Variants in SLC39A10 observed in about 807,000 individuals in gnomAD.
The protein encoded by SLC39A10 is zinc transporter ZIP10.
In SLC39A10, 13 loss-of-function variants were observed where a neutral mutation model predicts 65.1. The observed-to-expected ratio is 0.20, with a 90% CI of 0.13 to 0.32. The LOEUF is 0.32. Among genes scored for constraint, SLC39A10 ranks in the 10% least tolerant of loss-of-function variants. The pLI, the probability that SLC39A10 is intolerant of heterozygous loss-of-function variation, is 1.00. For missense variants in SLC39A10, 831 were observed against 1,018.4 expected (o/e 0.82, Z 2.50); for synonymous variants, 321 against 342.2 (o/e 0.94, Z 0.68).
chr2:195,704,510 A>G (rs1213262726), intron 3 of SLC39A10, among the ~76,000 whole-genome samples: 1 of 152,146 alleles, frequency 6.6e-6, no homozygotes, highest in Non-Finnish European at 1.5e-5. Flanking sequence ...TTAGCTGGCC[A>G]ATAACTTTAT....
At chr2:195,685,877 T>C (rs1218285345) in intron 3 of SLC39A10, among the ~76,000 whole-genome samples, 2 of 152,244 alleles carry the variant, frequency 1.3e-5, no homozygotes, top group Non-Finnish European at 2.9e-5. Context: ...CTATAAGCGT[T>C]CAGTTATAAT....
At chr2:195,726,196 A>C (rs1291937188) in intron 8 of SLC39A10, among the ~76,000 whole-genome samples, 2 of 152,318 alleles carry the variant, frequency 1.3e-5, no homozygotes, top group Middle Eastern at 3.4e-3. Flanking sequence ...TATGGCAACA[A>C]AGTTGGTGTA....
At chr2:195,658,393 AAC>A (rs2105723844) in intron 1 of SLC39A10, 1 of 152,294 alleles carries the variant, frequency 6.6e-6, no homozygotes, top group Non-Finnish European at 1.5e-5. Flanking sequence ...AGTGACACAA[AAC>A]ACATGTTAGA....
chr2:195,635,843 G>T (rs1688687913), intron 2 of SLC39A10, among the ~76,000 whole-genome samples: 1 of 151,964 alleles, frequency 6.6e-6, no homozygotes, highest in African/African-American at 2.4e-5. Flanking sequence ...ATAATGAAAG[G>T]ATTTGTCTGA....
intron 2 of SLC39A10, among the ~76,000 whole-genome samples, chr2:195,651,291 G>A (rs984829100): frequency 1.3e-5 from 2 of 152,048 alleles, no homozygotes; most frequent in Admixed American, 1.3e-4. Context: ...CGTGTTAGAT[G>A]TTACACAGTG....
chr2:195,689,495 T>A (rs2105784695), intron 3 of SLC39A10, among the ~76,000 whole-genome samples: 1 of 152,344 alleles, frequency 6.6e-6, no homozygotes, highest in South Asian at 2.1e-4. Flanking sequence ...TAAACTGTAG[T>A]AAAATTATAT....
At chr2:195,614,023 T>C (rs974445495) in intron 2 of SLC39A10, among the ~76,000 whole-genome samples, 1 of 152,236 alleles carries the variant, frequency 6.6e-6, no homozygotes, top group Non-Finnish European at 1.5e-5. Flanking sequence ...GTTACTGAGC[T>C]GTTGACAGTC....
intron 2 of SLC39A10, among the ~76,000 whole-genome samples, chr2:195,625,204 G>A (rs1476880481): frequency 7.5e-6 from 1 of 134,200 alleles, no homozygotes; most frequent in East Asian, 3.3e-4. Flanking sequence ...GCGACAGAGG[G>A]ACACTCTGTC....
chr2:195,617,719 CTTTTCTTTTA>C (rs199665155), intron 2 of SLC39A10, among the ~76,000 whole-genome samples: 6,417 of 147,494 alleles, frequency 0.044, 174 homozygotes, highest in Admixed American at 0.08. Context: ...CTTTTCTTTT[CTTTTCTTTTA>C]TTTTATTTTA....
chr2:195,679,988 C>G (rs1435466766), intron 1 of SLC39A10, 44 bp from the exon 2 acceptor site: 3 of 1,478,230 alleles, frequency 2.0e-6, no homozygotes, highest in East Asian at 4.6e-5. Context: ...TTGAATGTGT[C>G]TAGGTAGAAA....
intron 3 of SLC39A10, among the ~76,000 whole-genome samples, chr2:195,704,787 T>TTG (rs1559042171): frequency 6.8e-6 from 1 of 147,584 alleles, no homozygotes; most frequent in African/African-American, 2.6e-5. Flanking sequence ...CCTGTGTTTT[T>TTG]TTGTTGTTGT....
chr2:195,614,452 T>C (rs959191391), intron 2 of SLC39A10, among the ~76,000 whole-genome samples: 3 of 152,232 alleles, frequency 2.0e-5, no homozygotes, highest in Admixed American at 6.5e-5. Flanking sequence ...TTCAATTTCC[T>C]GTACATTTTG....
chr2:195,672,264 G>A (rs1370752046), intron 1 of SLC39A10, among the ~76,000 whole-genome samples: 1 of 152,062 alleles, frequency 6.6e-6, no homozygotes, highest in Admixed American at 6.6e-5. Flanking sequence ...TTAAGTAGCT[G>A]GGAGTACAGG....
chr2:195,706,817 T>A, intron 4 of SLC39A10, 32 bp downstream of exon 4: 2 of 1,413,844 alleles, frequency 1.4e-6, no homozygotes, highest in Non-Finnish European at 1.9e-6. Context: ...TTTAAAAATT[T>A]AAAATAAAAA....
chr2:195,714,198 T>C (rs1173999967), intron 6 of SLC39A10, among the ~76,000 whole-genome samples: 1 of 152,168 alleles, frequency 6.6e-6, no homozygotes, highest in African/African-American at 2.4e-5. Context: ...CCCAAAGTGC[T>C]GGGATTACAG....
At chr2:195,643,428 G>A (rs1314782523) in intron 2 of SLC39A10, among the ~76,000 whole-genome samples, 1 of 152,180 alleles carries the variant, frequency 6.6e-6, no homozygotes, top group Admixed American at 6.5e-5. Context: ...TTTCTATTCT[G>A]TAGGTTGAGT....
chr2:195,686,205 G>T (rs946771356), intron 3 of SLC39A10, among the ~76,000 whole-genome samples: 2 of 152,064 alleles, frequency 1.3e-5, no homozygotes, highest in African/African-American at 4.8e-5. Flanking sequence ...TAGGAATAAG[G>T]TAGACATCCC....
chr2:195,716,269 T>G (rs543926730), intron 6 of SLC39A10, among the ~76,000 whole-genome samples: 1 of 152,174 alleles, frequency 6.6e-6, no homozygotes, highest in South Asian at 2.1e-4. Flanking sequence ...TAAAAAAGGC[T>G]TTCTATCCAA....
At chr2:195,664,639 A>G (rs1689564791) in intron 1 of SLC39A10, among the ~76,000 whole-genome samples, 1 of 152,174 alleles carries the variant, frequency 6.6e-6, no homozygotes, top group Non-Finnish European at 1.5e-5. Context: ...TATGAATTAA[A>G]AATAAAGTAA....
Sources: allele counts gnomAD v4.1 joint callset (sites outside exome capture counted in the v4.1 genomes callset), GRCh38; gene constraint gnomAD v4.1.1; transcripts MANE v1.5; gene names NCBI Gene and HGNC (gene_info 2026-07-23, HGNC 2026-07-21).